CALD1: variants seen among roughly 807,000 people sequenced by gnomAD.
The protein encoded by CALD1 is caldesmon 1.
A neutral mutation model predicts 99.9 loss-of-function variants in CALD1; 33 were observed. That is an observed-to-expected ratio of 0.33 (90% CI 0.25 to 0.44). The LOEUF (loss-of-function observed/expected upper bound fraction) is 0.44, where lower values mean the gene tolerates loss of function less well. Among genes scored for constraint, CALD1 ranks in the 20% least tolerant of loss-of-function variants. CALD1 has a pLI of 1.00. For synonymous variants in CALD1, 310 were observed against 325.0 expected, an observed-to-expected ratio of 0.95 and a Z score of 0.50; for missense variants, 861 against 962.1, an observed-to-expected ratio of 0.89 and a Z score of 1.39.
chr7:134,919,402 A>G (rs912692108), intron 3 of CALD1, among the ~76,000 whole-genome samples: 1 of 152,198 alleles, frequency 6.6e-6, no homozygotes, highest in Non-Finnish European at 1.5e-5. Flanking sequence ...TTATGTCACC[A>G]TGTACTCTGT....
intron 1 of CALD1, among the ~76,000 whole-genome samples, chr7:134,752,689 T>G (rs751321907): frequency 6.6e-6 from 1 of 152,122 alleles, no homozygotes; most frequent in Non-Finnish European, 1.5e-5. Flanking sequence ...AATCCAGTCT[T>G]AGCACCGATT....
At chr7:134,862,418 T>G (rs2132287351) in intron 2 of CALD1, among the ~76,000 whole-genome samples, 1 of 152,276 alleles carries the variant, frequency 6.6e-6, no homozygotes. Context: ...TGAAAAGACT[T>G]GAAGGAAACT....
chr7:134,793,657 C>T (rs147393576), intron 1 of CALD1, among the ~76,000 whole-genome samples: 5 of 152,158 alleles, frequency 3.3e-5, no homozygotes, highest in East Asian at 1.9e-4. Context: ...AACTGGGACA[C>T]GTTGAAGAGG....
chr7:134,964,633 T>A (rs1173007783), intron 13 of CALD1, among the ~76,000 whole-genome samples: 1 of 152,152 alleles, frequency 6.6e-6, no homozygotes, highest in Admixed American at 6.5e-5. Flanking sequence ...GCAGTCAGGC[T>A]GGTGTGCACT....
intron 1 of CALD1, among the ~76,000 whole-genome samples, chr7:134,833,716 A>G (rs1343788285): frequency 1.3e-5 from 2 of 152,246 alleles, no homozygotes; most frequent in Non-Finnish European, 2.9e-5. Context: ...ACAGAAGTGA[A>G]TATGACATAA....
chr7:134,872,102 T>C (rs10258999), intron 3 of CALD1, among the ~76,000 whole-genome samples: 45,104 of 152,022 alleles, frequency 0.3, 7,570 homozygotes, highest in African/African-American at 0.46. Context: ...GCGCAGTGGC[T>C]CACGCCTGTA....
Position 134,857,324 on chromosome 7 carries a change from C to T in CALD1, c.-41-10369C>T, listed in dbSNP as rs546804515. Among the ~76,000 whole-genome samples the T allele has an allele frequency of 7.9e-5, 12 of 152,010 alleles. No homozygotes were observed. In the South Asian group the frequency reaches 2.3e-3, roughly 29 times the overall value. ...AGCTGGGACTACAGATGCCCGCCAC[C>T]ACGCCCGGCTAATTTTTTGTATTTT... On this transcript the variant is annotated intron_variant, in intron 2 of 14. Coordinates refer to ENST00000361675, the MANE Select transcript of CALD1 (RefSeq NM_033138.4).
the CALD1 span, among the ~76,000 whole-genome samples, chr7:134,729,801 G>T: frequency 1.3e-5 from 2 of 152,232 alleles, no homozygotes; most frequent in Non-Finnish European, 2.9e-5. Flanking sequence ...AGGAGGTGGA[G>T]AATTACTTGC....
chr7:134,832,492 T>G (rs1326965001), intron 1 of CALD1, among the ~76,000 whole-genome samples: 1 of 152,256 alleles, frequency 6.6e-6, no homozygotes, highest in Non-Finnish European at 1.5e-5. Context: ...AATTGTCAAG[T>G]GCTGCCTGAG....
chr7:134,922,993 C>T (rs1222466652), intron 3 of CALD1, among the ~76,000 whole-genome samples: 1 of 152,114 alleles, frequency 6.6e-6, no homozygotes, highest in Non-Finnish European at 1.5e-5. Flanking sequence ...AAAGCCAATC[C>T]TCTCTACTTT....
At chr7:134,809,638 G>A (rs546964093) in intron 1 of CALD1, 3 of 152,290 alleles carry the variant, frequency 2.0e-5, no homozygotes, top group African/African-American at 7.2e-5. Flanking sequence ...GTATAATTGT[G>A]TATGTTTTTA....
At chr7:134,931,826 G>C (rs1280458396) in intron 4 of CALD1, among the ~76,000 whole-genome samples, 1 of 152,162 alleles carries the variant, frequency 6.6e-6, no homozygotes, top group Non-Finnish European at 1.5e-5. Context: ...CTGTAGAAAA[G>C]ATGGACAAGA....
At chr7:134,828,430 A>G (rs1489075960) in intron 1 of CALD1, among the ~76,000 whole-genome samples, 3 of 152,230 alleles carry the variant, frequency 2.0e-5, no homozygotes, top group African/African-American at 7.2e-5. Context: ...CTTCTTATTG[A>G]AAGACTCAAT....
intron 1 of CALD1, among the ~76,000 whole-genome samples, chr7:134,840,721 A>G (rs1364273565): frequency 6.6e-6 from 1 of 152,230 alleles, no homozygotes; most frequent in Non-Finnish European, 1.5e-5. Flanking sequence ...TTTGGAATAA[A>G]ACAAACCTGG....
chr7:134,860,211 A>G (rs865786206), intron 2 of CALD1, among the ~76,000 whole-genome samples: 2 of 152,186 alleles, frequency 1.3e-5, no homozygotes, highest in African/African-American at 2.4e-5. Context: ...TTGGAACAAG[A>G]TGGTGAAGGT....
At chr7:134,721,184 G>A in the CALD1 span, among the ~76,000 whole-genome samples, 1 of 152,202 alleles carries the variant, frequency 6.6e-6, no homozygotes, top group Non-Finnish European at 1.5e-5. Flanking sequence ...CCCTCTGGAA[G>A]AGAAGAATGT....
At chr7:134,922,252 A>G (rs1804671934) in intron 3 of CALD1, among the ~76,000 whole-genome samples, 1 of 152,158 alleles carries the variant, frequency 6.6e-6, no homozygotes, top group Admixed American at 6.5e-5. Context: ...TGAGTCTTTA[A>G]TGCTCCTAAA....
the CALD1 span, among the ~76,000 whole-genome samples, chr7:134,737,218 G>A: frequency 6.6e-6 from 1 of 152,152 alleles, no homozygotes; most frequent in African/African-American, 2.4e-5. Context: ...TTGACCTCCT[G>A]AGCTGAAGCG....
chr7:134,872,703 G>A (rs1219024060), intron 3 of CALD1, among the ~76,000 whole-genome samples: 1 of 152,082 alleles, frequency 6.6e-6, no homozygotes, highest in Non-Finnish European at 1.5e-5. Flanking sequence ...AAATTCAGTA[G>A]GCAGAATGGA....
Sources: allele counts gnomAD v4.1 joint callset (sites outside exome capture counted in the v4.1 genomes callset), GRCh38; gene constraint gnomAD v4.1.1; transcripts MANE v1.5; gene names NCBI Gene and HGNC (gene_info 2026-07-23, HGNC 2026-07-21).